LCN2: variants seen among roughly 807,000 people sequenced by gnomAD.
LCN2 encodes neutrophil gelatinase-associated lipocalin.
LCN2 carries 27 observed loss-of-function variants against 26.4 expected under a neutral mutation model. The observed-to-expected ratio is 1.02, with a 90% confidence interval of 0.76 to 1.41. The LOEUF is 1.41. Among genes scored for constraint, LCN2 ranks in the 40% most tolerant of loss-of-function variants. LCN2 has a pLI of 0.00. For missense variants in LCN2, 224 were observed against 237.6 expected (o/e 0.94, Z 0.38); for synonymous variants, 94 against 98.9 (o/e 0.95, Z 0.30).
chr9:128,153,345 T>C lies in LCN2; in HGVS notation c.*42T>C, dbSNP rs761627411. 20 of 606,352 alleles carry C rather than the reference T, an allele frequency of 3.3e-5. No homozygotes were observed. The highest frequency in any genetic ancestry group is 1.5e-4 in the African/African-American group (8 of 54,020). 37.6% of individuals were successfully genotyped at this position (606,352 alleles called of 1,614,324 possible). ...AGCTGCCGCACCAGCCCGAACACCA[T>C]TGAGGGAGCTGGGAGACCCTCCCCA... On this transcript the variant is annotated 3_prime_UTR_variant, in exon 7 of 7. Coordinates refer to ENST00000277480, the MANE Select transcript of LCN2 (RefSeq NM_005564.5). This position sits in a 1 kb window ranked among gnomAD's most constrained non-coding sequence, Gnocchi z 5.4.
chr9:128,149,592 T>G lies in LCN2; in HGVS notation c.67T>G (p.Ser23Ala). 6.2e-7 allele frequency: 1 copy of G among 1,613,974 alleles called. No homozygotes were observed. The highest frequency in any genetic ancestry group is 1.7e-4 in the Middle Eastern group (1 of 6,060). The change falls in exon 1 of 7, where the codon TCC (serine) becomes GCC (alanine). Residue 23 changes from serine to alanine, a missense_variant. By Grantham distance (99) the Ser-to-Ala change is moderately conservative (BLOSUM62 1). Transcript: ENST00000277480. ...LGALHAQAQD[S>A]TSDLIPAPPL... ...GGCTCTGCATGCCCAGGCCCAGGAC[T>G]CCACCTCAGACCTGATCCCAGCCCC...
At chr9:128,151,240 G>A (rs777748415) in intron 2 of LCN2, among the ~76,000 whole-genome samples, 5 of 152,016 alleles carry the variant, frequency 3.3e-5, no homozygotes, top group Middle Eastern at 6.3e-3. Flanking sequence ...TGGAAGTACC[G>A]AGGTGGATCC....
At position 128,153,170 on chromosome 9, in the gene LCN2, G is replaced by A. The variant is rs1028841933; in HGVS notation, c.*7+44G>A. 5.0e-6 allele frequency: 8 copies of A among 1,612,468 alleles called. No individual in the cohort carries two copies. The highest frequency in any genetic ancestry group is 6.8e-6 in the Non-Finnish European group (8 of 1,178,988). On this transcript the variant is annotated intron_variant, in intron 6 of 6. Transcript: ENST00000277480. The surrounding 1 kb of genome is among the most constrained non-coding windows in gnomAD (Gnocchi z 5.4). ...CTGCGAGGGGGCTTGTGGGAGGCCA[G>A]GGTGCAGTGGGCTGGGGGTCTTGGG...
At chr9:128,151,029 G>A (rs982616368) in intron 2 of LCN2, among the ~76,000 whole-genome samples, 4 of 152,336 alleles carry the variant, frequency 2.6e-5, no homozygotes, top group African/African-American at 9.6e-5. Context: ...GAGGCAGGGA[G>A]CCAGGGATCA....
chr9:128,150,483 C>T (rs1452250452), intron 2 of LCN2, 109 bp downstream of exon 2: 1 of 1,367,326 alleles, frequency 7.3e-7, no homozygotes, highest in African/African-American at 1.4e-5. Flanking sequence ...GCCCGGAATT[C>T]ATCTGTGTTC....
In LCN2 at chr9:128,152,047, C is replaced by T. The variant is rs560321885; in HGVS notation, c.475+22C>T. 3.4e-5 allele frequency: 55 copies of T among 1,613,864 alleles called. 1 individual carries two copies. The South Asian group carries it at 5.2e-4, about 15-fold the overall frequency. On this transcript the variant is annotated intron_variant, in intron 4 of 6. Coordinates refer to ENST00000277480, the MANE Select transcript of LCN2 (RefSeq NM_005564.5). ...TACGGTGGGTCCTCTCCCATCCCCT[C>T]GGGGACTGGCTCCTGATCACACTTA...
rs1209172392 is a variant in LCN2 at position 128,153,166 on chromosome 9, G to A, written c.*7+40G>A. On this transcript the variant is annotated intron_variant, in intron 6 of 6. Transcript: ENST00000277480. The surrounding 1 kb of genome is among the most constrained non-coding windows in gnomAD (Gnocchi z 5.4). ...GCGGCTGCGAGGGGGCTTGTGGGAG[G>A]CCAGGGTGCAGTGGGCTGGGGGTCT... The A allele has an allele frequency of 6.2e-7, 1 of 1,613,306 alleles. No individual in the cohort carries two copies. The highest frequency in any genetic ancestry group is 2.2e-5 in the East Asian group (1 of 44,876).
intron 1 of LCN2, 82 bp from the exon 2 acceptor site, chr9:128,150,156 C>T: frequency 6.5e-7 from 1 of 1,544,224 alleles, no homozygotes; most frequent in Non-Finnish European, 8.7e-7. Flanking sequence ...AGCTGGGCGG[C>T]CCAGAGGTGC....
chr9:128,149,501 C>A lies in LCN2; in HGVS notation c.-25C>A. 1 of 1,578,116 alleles carries A rather than the reference C, an allele frequency of 6.3e-7. No individual in the cohort carries two copies. The highest frequency in any genetic ancestry group is 8.6e-7 in the Non-Finnish European group (1 of 1,159,744). ...CTGCCAGGCCCAGCAGCCACCACAG[C>A]GCCTGCTTCCTCGGCCCTGAAATCA... On this transcript the variant is annotated 5_prime_UTR_variant, in exon 1 of 7. Transcript: ENST00000277480.
At chr9:128,150,133 G>C in intron 1 of LCN2, 105 bp from the exon 2 acceptor site, 1 of 1,447,166 alleles carries the variant, frequency 6.9e-7, no homozygotes, top group Non-Finnish European at 9.3e-7. Context: ...AGCTAGAGGG[G>C]CTCATGGTTC....
chr9:128,152,397 G>GCTC, intron 5 of LCN2, 113 bp downstream of exon 5: 5 of 907,768 alleles, frequency 5.5e-6, no homozygotes, highest in Non-Finnish European at 8.7e-6. Context: ...AGTCACTGGA[G>GCTC]CAGTGGATGG....
At chr9:128,150,494 A>G (rs1834995979) in intron 2 of LCN2, 120 bp downstream of exon 2, 3 of 1,323,156 alleles carry the variant, frequency 2.3e-6, no homozygotes, top group Non-Finnish European at 3.3e-6. Flanking sequence ...ATCTGTGTTC[A>G]TCCTTCCTCT....
rs1297358290 is a variant in LCN2, at chr9:128,153,085, C to A, written c.578-15C>A. Reference sequence around the variant, plus strand: ...ACACACAGCTGCCTGTTCTGACGGACTTTCTCCCTAACAGACCAGTGTATC... The same window carrying A: ...ACACACAGCTGCCTGTTCTGACGGAATTTCTCCCTAACAGACCAGTGTATC... On this transcript the variant is annotated splice_polypyrimidine_tract_variant and intron_variant, in intron 5 of 6. Coordinates refer to ENST00000277480, the MANE Select transcript of LCN2 (RefSeq NM_005564.5). This position sits in a 1 kb window ranked among gnomAD's most constrained non-coding sequence, Gnocchi z 5.4. The A allele has an allele frequency of 6.2e-7, 1 of 1,614,126 alleles. No individual in the cohort carries two copies. Among genetic ancestry groups the A allele is most frequent in the South Asian group, 1.1e-5 (1 of 91,082 alleles).
chr9:128,152,090 T>C (rs373803852), intron 4 of LCN2, 65 bp downstream of exon 4: 31 of 1,610,862 alleles, frequency 1.9e-5, no homozygotes, highest in Non-Finnish European at 2.5e-5. Context: ...GGGAGGCCGG[T>C]CCCCCATGAG....
At position 128,153,113 on chromosome 9, in the gene LCN2, C is replaced by A. The variant is rs774218688; in HGVS notation, c.591C>A (p.Asp197Glu). The A allele has an allele frequency of 1.9e-6, 3 of 1,614,012 alleles. No individual in the cohort carries two copies. Among genetic ancestry groups the A allele is most frequent in the Non-Finnish European group, 2.5e-6 (3 of 1,180,010 alleles). ...TCTCCCTAACAGACCAGTGTATCGACGGCTGAGTGCACAGTGAGTGTGGCT... is the reference window on the plus strand; with the variant it reads ...TCTCCCTAACAGACCAGTGTATCGAAGGCTGAGTGCACAGTGAGTGTGGCT... The part of the protein sequence containing the change: ...VFPVPIDQCI[D>E]G The change falls in exon 6 of 7, where the codon GAC (aspartate) becomes GAA (glutamate). Residue 197 changes from aspartate to glutamate, a missense_variant. Asp to Glu is a conservative substitution (Grantham distance 45, BLOSUM62 2). Coordinates refer to ENST00000277480, the MANE Select transcript of LCN2 (RefSeq NM_005564.5). The surrounding 1 kb of genome is among the most constrained non-coding windows in gnomAD (Gnocchi z 5.4).
At chr9:128,151,211 C>T (rs894001893) in intron 2 of LCN2, among the ~76,000 whole-genome samples, 1 of 151,872 alleles carries the variant, frequency 6.6e-6, no homozygotes, top group Non-Finnish European at 1.5e-5. Flanking sequence ...GCTAGGGGAA[C>T]GGCTGGCATG....
rs1346477344 is a variant in LCN2 at position 128,149,671 on chromosome 9, G to T, written c.138+8G>T. On this transcript the variant is annotated splice_region_variant and intron_variant, in intron 1 of 6. Transcript: ENST00000277480. The stretch of plus-strand genomic sequence containing the variant: ...AACTTCCAGGACAACCAAGTAAGGG[G>T]CCAAGAGGGGCACCTGCAGGCAGGG... 6.2e-7 allele frequency: 1 copy of T among 1,613,586 alleles called. No individual in the cohort carries two copies. Among genetic ancestry groups the T allele is most frequent in the Non-Finnish European group, 8.5e-7 (1 of 1,179,910 alleles).
At chr9:128,150,130 G>A in intron 1 of LCN2, 108 bp from the exon 2 acceptor site, 1 of 1,424,906 alleles carries the variant, frequency 7.0e-7, no homozygotes, top group Non-Finnish European at 9.5e-7. Flanking sequence ...CCCAGCTAGA[G>A]GGGCTCATGG....
In LCN2 at chr9:128,151,303, C is replaced by T. The variant is rs915635706; in HGVS notation, c.276-335C>T. ...GCAAGCTGAGTGCAGGGGAGAAATG[C>T]AGGGTTTCTGTGTGTTGGGTGGCGG... is the stretch of plus-strand genomic sequence containing the variant. On this transcript the variant is annotated intron_variant, in intron 2 of 6. Coordinates refer to ENST00000277480, the MANE Select transcript of LCN2 (RefSeq NM_005564.5). 4.2e-5 allele frequency: 23 copies of T among 547,332 alleles called. No individual in the cohort carries two copies. In the South Asian group the frequency reaches 6.2e-4, roughly 15 times the overall value. 33.9% of individuals were successfully genotyped at this position (547,332 alleles called of 1,614,324 possible).
Sources: allele counts gnomAD v4.1 joint callset (sites outside exome capture counted in the v4.1 genomes callset), GRCh38; gene constraint gnomAD v4.1.1; non-coding constraint Gnocchi (gnomAD v3.1); transcripts MANE v1.5; gene names NCBI Gene and HGNC (gene_info 2026-07-23, HGNC 2026-07-21).